Variants in PTPRT observed in about 807,000 individuals in gnomAD.
The protein encoded by PTPRT is receptor-type tyrosine-protein phosphatase T.
In PTPRT, 56 loss-of-function variants were observed where a neutral mutation model predicts 176.8. The ratio of observed to expected loss-of-function variants is 0.32; its 90% confidence interval spans 0.26 to 0.40. The LOEUF (loss-of-function observed/expected upper bound fraction) is 0.40, where lower values mean the gene tolerates loss of function less well. Among genes scored for constraint, PTPRT ranks in the 10% least tolerant of loss-of-function variants. The probability of loss-of-function intolerance (pLI) is 1.00; values close to 1 mark genes in which losing one functional copy is unlikely to be tolerated. For synonymous variants in PTPRT, 783 were observed against 739.0 expected (o/e 1.06, Z -0.96); for missense variants, 1,540 against 1,908.2 (o/e 0.81, Z 3.60).
At chr20:42,168,274 T>A (rs1989917720) in intron 16 of PTPRT, among the ~76,000 whole-genome samples, 1 of 152,150 alleles carries the variant, frequency 6.6e-6, no homozygotes, top group South Asian at 2.1e-4. Context: ...TTCAAACCCA[T>A]GTTGTTCAAG....
intron 12 of PTPRT, among the ~76,000 whole-genome samples, chr20:42,298,124 A>ATC (rs1207090203): frequency 3.9e-5 from 6 of 152,224 alleles, no homozygotes; most frequent in African/African-American, 1.4e-4. Flanking sequence ...AAGTACTGAT[A>ATC]TCTCTGATAT....
intron 9 of PTPRT, among the ~76,000 whole-genome samples, chr20:42,357,221 A>G (rs1429101751): frequency 5.8e-5 from 8 of 138,268 alleles, no homozygotes; most frequent in Admixed American, 4.5e-4. Context: ...TACACCATTG[A>G]TTTAAATATG....
chr20:42,252,166 C>T (rs190162000), intron 13 of PTPRT, among the ~76,000 whole-genome samples: 6 of 152,118 alleles, frequency 3.9e-5, no homozygotes, highest in African/African-American at 9.6e-5. Context: ...AATCTTTGCA[C>T]GATAGGGTGG....
At chr20:42,690,958 T>C (rs1430882018) in intron 6 of PTPRT, among the ~76,000 whole-genome samples, 1 of 152,180 alleles carries the variant, frequency 6.6e-6, no homozygotes, top group Non-Finnish European at 1.5e-5. Flanking sequence ...GGCTATTAGC[T>C]TTGGACCCCT....
chr20:42,550,349 GGGGAGAGA>G (rs2072746697), intron 7 of PTPRT, among the ~76,000 whole-genome samples: 1 of 152,162 alleles, frequency 6.6e-6, no homozygotes, highest in African/African-American at 2.4e-5. Flanking sequence ...GGAAGGGAAA[GGGGAGAGA>G]GGGAGAGAGG....
intron 15 of PTPRT, among the ~76,000 whole-genome samples, chr20:42,207,077 G>T (rs2055490483): frequency 6.6e-6 from 1 of 152,010 alleles, no homozygotes. Flanking sequence ...CTGCAGCTGA[G>T]GGTCCTATCT....
At chr20:42,081,335 G>A (rs976131850) in intron 30 of PTPRT, among the ~76,000 whole-genome samples, 11 of 152,130 alleles carry the variant, frequency 7.2e-5, no homozygotes, top group African/African-American at 1.7e-4. Flanking sequence ...TGACCCACAC[G>A]TTAATATGGC....
intron 13 of PTPRT, among the ~76,000 whole-genome samples, 197 bp from the exon 14 acceptor site, chr20:42,249,019 C>G (rs1322464644): frequency 2.0e-5 from 3 of 152,190 alleles, no homozygotes; most frequent in African/African-American, 7.2e-5. Context: ...TCATTAGATT[C>G]TTTTGAGATG....
chr20:43,060,641 G>A (rs1218337886), intron 1 of PTPRT, among the ~76,000 whole-genome samples: 1 of 152,186 alleles, frequency 6.6e-6, no homozygotes, highest in African/African-American at 2.4e-5. Context: ...AAGATTGAAT[G>A]AAATAATTTA....
At chr20:42,206,597 C>G (rs1404716339) in intron 15 of PTPRT, among the ~76,000 whole-genome samples, 1 of 152,258 alleles carries the variant, frequency 6.6e-6, no homozygotes, top group Non-Finnish European at 1.5e-5. Context: ...CGGCGAACCA[C>G]GAGATTATAT....
intron 1 of PTPRT, among the ~76,000 whole-genome samples, chr20:42,937,845 T>C (rs1980292599): frequency 6.6e-6 from 1 of 152,226 alleles, no homozygotes; most frequent in African/African-American, 2.4e-5. Context: ...GGGAAAACTC[T>C]TGGAAAATTT....
Position 42,830,643 on chromosome 20 carries a change from T to C in PTPRT, c.215-39177A>G, listed in dbSNP as rs117578171. ...AATAAAGGGCATCCAAATAGTAAGATAGGAAGTCAAACTCCCCCTGTTTGC... is the reference window on the plus strand; with the variant it reads ...AATAAAGGGCATCCAAATAGTAAGACAGGAAGTCAAACTCCCCCTGTTTGC... On this transcript the variant is annotated intron_variant, in intron 2 of 30. Transcript: ENST00000373187. 1.1e-4 allele frequency among the ~76,000 whole-genome samples: 17 copies of C among 152,182 alleles called. No individual in the cohort carries two copies. In the East Asian group the frequency reaches 2.5e-3, roughly 23 times the overall value.
chr20:42,584,817 G>T (rs79389278), intron 7 of PTPRT, among the ~76,000 whole-genome samples: 3,987 of 152,260 alleles, frequency 0.026, 89 homozygotes, highest in South Asian at 0.071. Context: ...ATGAATGAAT[G>T]AATTAATTAG....
chr20:42,686,204 A>T (rs2075688086), intron 6 of PTPRT: 1 of 152,200 alleles, frequency 6.6e-6, no homozygotes, highest in Admixed American at 6.5e-5. Context: ...CACCAAGGTT[A>T]CCTAGAAAGC....
intron 7 of PTPRT, among the ~76,000 whole-genome samples, chr20:42,628,490 ATCCT>A (rs1261561555): frequency 6.6e-6 from 1 of 152,012 alleles, no homozygotes; most frequent in African/African-American, 2.4e-5. Context: ...AATATGGTTG[ATCCT>A]TCCTTTTCTT....
intron 1 of PTPRT, among the ~76,000 whole-genome samples, chr20:42,970,596 T>C (rs1012304238): frequency 1.3e-5 from 2 of 152,184 alleles, no homozygotes; most frequent in African/African-American, 4.8e-5. Flanking sequence ...GTCATGAGGA[T>C]TAAATGAGAT....
At chr20:42,415,283 G>A (rs945531577) in intron 9 of PTPRT, among the ~76,000 whole-genome samples, 6 of 152,204 alleles carry the variant, frequency 3.9e-5, no homozygotes, top group Admixed American at 2.6e-4. Context: ...CTGGGCTCAA[G>A]TGATCCTCTT....
intron 8 of PTPRT, among the ~76,000 whole-genome samples, chr20:42,470,458 G>A (rs2071173647): frequency 6.6e-6 from 1 of 152,058 alleles, no homozygotes; most frequent in Non-Finnish European, 1.5e-5. Flanking sequence ...TCTCCCCTGG[G>A]AAAACTTTCT....
chr20:42,648,820 G>GTTGTTTTTTTTTTTT (rs1310734163), intron 7 of PTPRT, among the ~76,000 whole-genome samples: 2 of 111,832 alleles, frequency 1.8e-5, no homozygotes, highest in African/African-American at 7.5e-5. Context: ...TGGTGTCGTT[G>GTTGTTTTTTTTTTTT]TTTTTTTTTT....
Sources: gnomAD v4.1 joint callset for allele counts (sites outside exome capture counted in the v4.1 genomes callset) on GRCh38, gnomAD v4.1.1 for gene constraint, MANE v1.5 for transcripts, NCBI Gene and HGNC (gene_info 2026-07-23, HGNC 2026-07-21) for gene names.